DLG2: variants seen among roughly 807,000 people sequenced by gnomAD.
The protein encoded by DLG2 is disks large homolog 2.
Under a neutral mutation model 132.5 loss-of-function variants are expected in DLG2, and 45 were observed. The ratio of observed to expected loss-of-function variants is 0.34; its 90% CI spans 0.27 to 0.44. The LOEUF (loss-of-function observed/expected upper bound fraction) is 0.44, where lower values mean the gene tolerates loss of function less well. Among genes scored for constraint, DLG2 ranks in the 20% least tolerant of loss-of-function variants. The pLI is 1.00. For synonymous variants in DLG2, 424 were observed against 419.6 expected (o/e 1.01, Z -0.13); for missense variants, 1,045 against 1,196.9 (o/e 0.87, Z 1.87).
intron 7 of DLG2, among the ~76,000 whole-genome samples, chr11:84,375,172 A>G (rs972916699): frequency 6.6e-6 from 1 of 152,176 alleles, no homozygotes; most frequent in Non-Finnish European, 1.5e-5. Flanking sequence ...TTCATAGTGG[A>G]CTGTTATTAA....
chr11:84,815,197 CT>C (rs2076968924), intron 6 of DLG2, among the ~76,000 whole-genome samples: 1 of 152,066 alleles, frequency 6.6e-6, no homozygotes, highest in Non-Finnish European at 1.5e-5. Flanking sequence ...AAGAAAGAGG[CT>C]TTGCTTTATA....
intron 21 of DLG2, among the ~76,000 whole-genome samples, chr11:83,519,336 T>G (rs1170535924): frequency 6.6e-6 from 1 of 152,208 alleles, no homozygotes; most frequent in Non-Finnish European, 1.5e-5. Flanking sequence ...CTAATCACAT[T>G]AATGCTGTAA....
At chr11:85,042,030 C>T (rs1292404356) in intron 6 of DLG2, among the ~76,000 whole-genome samples, 1 of 151,856 alleles carries the variant, frequency 6.6e-6, no homozygotes, top group Non-Finnish European at 1.5e-5. Context: ...CTTCACCACT[C>T]TACAATTCAT....
intron 7 of DLG2, among the ~76,000 whole-genome samples, chr11:84,385,521 T>G (rs1479291372): frequency 6.6e-6 from 1 of 152,050 alleles, no homozygotes; most frequent in Admixed American, 6.6e-5. Flanking sequence ...ATATTTAGAG[T>G]ACTGTCACAT....
chr11:83,597,197 A>G (rs2057737834), intron 19 of DLG2, among the ~76,000 whole-genome samples: 1 of 152,188 alleles, frequency 6.6e-6, no homozygotes, highest in Non-Finnish European at 1.5e-5. Context: ...TGACAGCATG[A>G]TCAACATGTC....
chr11:84,227,112 A>G (rs2097010544), intron 8 of DLG2, among the ~76,000 whole-genome samples: 1 of 151,952 alleles, frequency 6.6e-6, no homozygotes, highest in South Asian at 2.1e-4. Context: ...TTAATTAATT[A>G]AAATTTTAAA....
chr11:83,559,565 C>T (rs572868452), intron 19 of DLG2, among the ~76,000 whole-genome samples: 1 of 152,112 alleles, frequency 6.6e-6, no homozygotes, highest in Non-Finnish European at 1.5e-5. Flanking sequence ...ATCACGGAAG[C>T]CATGTTTGGC....
chr11:84,251,637 C>CTTTTTTTTT lies in DLG2; in HGVS notation c.520-347_520-346insAAAAAAAAA, dbSNP rs369651884. Among the ~76,000 whole-genome samples, 14 of 130,040 alleles carry CTTTTTTTTT rather than the reference C, an allele frequency of 1.1e-4. 2 individuals carry two copies. The highest frequency in any genetic ancestry group is 1.2e-4 in the African/African-American group (4 of 34,556). The allele number at this position is 130,040 out of a possible 152,430, so 85.3% of individuals were successfully genotyped here. On this transcript the variant is annotated intron_variant, in intron 7 of 27. Coordinates refer to ENST00000376104, the MANE Select transcript of DLG2 (RefSeq NM_001142699.3). ...GTAAGAGTTAAAACTTGTATCTTTTCTTTCTTTTTTTTTTTTTTTTGTGAG... is the reference window on the plus strand; with the variant it reads ...GTAAGAGTTAAAACTTGTATCTTTTCTTTTTTTTTTTTCTTTTTTTTTTTTTTTTGTGAG...
At chr11:83,915,618 T>A (rs1289057192) in intron 15 of DLG2, among the ~76,000 whole-genome samples, 1 of 152,164 alleles carries the variant, frequency 6.6e-6, no homozygotes, top group East Asian at 1.9e-4. Context: ...TTTAAAATTA[T>A]TTTTTATTAT....
chr11:84,326,676 C>T (rs1251936665), intron 7 of DLG2, among the ~76,000 whole-genome samples: 1 of 152,154 alleles, frequency 6.6e-6, no homozygotes, highest in Non-Finnish European at 1.5e-5. Context: ...ATGTGCGCTT[C>T]AGAATAATGC....
rs547545485 is a variant in DLG2, at chr11:84,379,486, G to C, written c.520-128195C>G. On this transcript the variant is annotated intron_variant, in intron 7 of 27. Coordinates refer to ENST00000376104, the MANE Select transcript of DLG2 (RefSeq NM_001142699.3). ...TAGATCTCAGGAAATTTCTCTGGAA[G>C]ACACCACAGAGGATAAGAAGATGAG... Among the ~76,000 whole-genome samples the C allele has an allele frequency of 3.7e-4, 57 of 152,182 alleles. 1 individual carries two copies. The highest frequency in any genetic ancestry group is 4.6e-4 in the Non-Finnish European group (31 of 68,018).
chr11:85,583,088 ATGTG>A (rs3068389), intron 3 of DLG2, among the ~76,000 whole-genome samples: 299 of 29,754 alleles, frequency 0.01, 5 homozygotes, highest in Admixed American at 0.015. Flanking sequence ...AATATATGTG[ATGTG>A]TGTGTGTGTG....
At position 84,894,826 on chromosome 11, in the gene DLG2, C is replaced by A. The variant is rs956315400; in HGVS notation, c.357+216835G>T. Among the ~76,000 whole-genome samples the A allele has an allele frequency of 1.4e-4, 21 of 152,118 alleles. 1 individual carries two copies. Among genetic ancestry groups the A allele is most frequent in the Admixed American group, 3.9e-4 (6 of 15,270 alleles). Reference sequence around the variant, plus strand: ...AGATGCTAAGACCAATCTCCTGCCTCTGGCCTAGGATGTCTACAATTTATG... The same window carrying A: ...AGATGCTAAGACCAATCTCCTGCCTATGGCCTAGGATGTCTACAATTTATG... On this transcript the variant is annotated intron_variant, in intron 6 of 27. Transcript: ENST00000376104.
intron 19 of DLG2, among the ~76,000 whole-genome samples, chr11:83,547,209 G>T (rs2096264267): frequency 1.3e-5 from 2 of 152,074 alleles, no homozygotes; most frequent in South Asian, 4.1e-4. Context: ...GTATCACTAA[G>T]AATAGGAAAA....
intron 7 of DLG2, among the ~76,000 whole-genome samples, chr11:84,368,749 C>T (rs2098694309): frequency 6.6e-6 from 1 of 152,050 alleles, no homozygotes; most frequent in Admixed American, 6.6e-5. Flanking sequence ...TGAGATAATG[C>T]ATGAAAGTTT....
At position 83,870,659 on chromosome 11, in the gene DLG2, G is replaced by A. The variant is rs562318834; in HGVS notation, c.1565+3761C>T. Among the ~76,000 whole-genome samples the A allele has an allele frequency of 3.9e-5, 6 of 152,308 alleles. No homozygotes were observed. The South Asian group carries it at 1.2e-3, about 32-fold the overall frequency. On this transcript the variant is annotated intron_variant, in intron 16 of 27. Transcript: ENST00000376104. ...ACTAGCTCATCTAGGTGCTACAGAA[G>A]AGTGATTCAATTTTTTCTGAGAAGA... is the stretch of plus-strand genomic sequence containing the variant.
At chr11:83,798,298 C>T (rs1313314576) in intron 17 of DLG2, among the ~76,000 whole-genome samples, 2 of 152,038 alleles carry the variant, frequency 1.3e-5, no homozygotes, top group African/African-American at 4.8e-5. Flanking sequence ...AGATGTGAAC[C>T]CTTCTTTTGT....
intron 3 of DLG2, among the ~76,000 whole-genome samples, chr11:85,595,580 T>C (rs980122335): frequency 3.3e-5 from 5 of 152,118 alleles, no homozygotes; most frequent in Non-Finnish European, 5.9e-5. Context: ...TGAACACCAA[T>C]TGCTGTCTTT....
intron 6 of DLG2, among the ~76,000 whole-genome samples, chr11:84,689,729 G>C (rs985657542): frequency 1.2e-4 from 18 of 151,914 alleles, no homozygotes; most frequent in African/African-American, 3.9e-4. Flanking sequence ...CAGGGAACTA[G>C]GTGTCCAAAA....
Sources: gnomAD v4.1 joint callset for allele counts (sites outside exome capture counted in the v4.1 genomes callset) on GRCh38, gnomAD v4.1.1 for gene constraint, MANE v1.5 for transcripts, NCBI Gene and HGNC (gene_info 2026-07-23, HGNC 2026-07-21) for gene names.